MTFR1L: variants seen among roughly 807,000 people sequenced by gnomAD.
MTFR1L encodes mitochondrial fission regulator 1 like.
Under a neutral mutation model 27.9 loss-of-function variants are expected in MTFR1L, and 10 were observed. That is an observed-to-expected ratio of 0.36 (90% CI 0.22 to 0.61). MTFR1L has a LOEUF of 0.61. MTFR1L is among the 20% of genes least tolerant of loss of function. The probability of loss-of-function intolerance (pLI) is 0.73; values close to 1 mark genes in which losing one functional copy is unlikely to be tolerated. For synonymous variants in MTFR1L, 151 were observed against 139.4 expected (o/e 1.08, Z -0.58); for missense variants, 315 against 363.7 (o/e 0.87, Z 1.09).
rs754140277 is a variant in MTFR1L at position 25,823,766 on chromosome 1, G to C, written c.129+18G>C. On this transcript the variant is annotated intron_variant, in intron 3 of 6. Coordinates refer to ENST00000374303, the MANE Select transcript of MTFR1L (RefSeq NM_001099625.2). ...CCTTTGAGGTGAGTATGTTGGAAGG[G>C]CAGGAGAGTAGAGGCTCAGACAGTG... 1 of 1,612,664 alleles carries C rather than the reference G, an allele frequency of 6.2e-7. No homozygotes were observed. Among genetic ancestry groups the C allele is most frequent in the South Asian group, 1.1e-5 (1 of 90,916 alleles).
At chr1:25,823,847 C>G in intron 3 of MTFR1L, 99 bp downstream of exon 3, 1 of 1,383,296 alleles carries the variant, frequency 7.2e-7, no homozygotes, top group Non-Finnish European at 9.8e-7. Flanking sequence ...TTCCTGGTCA[C>G]TTTTCATTCT....
At chr1:25,820,524 C>G (rs765038172) in intron 1 of MTFR1L, 1 of 354,934 alleles carries the variant, frequency 2.8e-6, no homozygotes, top group South Asian at 2.1e-5. Context: ...TTTCACTGAG[C>G]GCGGCGGCCT....
intron 1 of MTFR1L, chr1:25,821,015 G>C (rs1418479205): frequency 3.5e-6 from 1 of 283,746 alleles, no homozygotes; most frequent in Non-Finnish European, 6.7e-6. Context: ...TGGGCCCAGT[G>C]TTGGGGGTTG....
In MTFR1L at chr1:25,832,067, T is replaced by C. The variant is rs774733846; in HGVS notation, c.*41T>C. The C allele has an allele frequency of 6.2e-7, 1 of 1,613,872 alleles. No homozygotes were observed. Among genetic ancestry groups the C allele is most frequent in the East Asian group, 2.2e-5 (1 of 44,878 alleles). Reference sequence around the variant, plus strand: ...CAAACTCAGTCTCATGCTCCTGGAATACCTTCAATAGCTGCCTTCCTCACC... The same window carrying C: ...CAAACTCAGTCTCATGCTCCTGGAACACCTTCAATAGCTGCCTTCCTCACC... On this transcript the variant is annotated 3_prime_UTR_variant, in exon 7 of 7. Coordinates refer to ENST00000374303, the MANE Select transcript of MTFR1L (RefSeq NM_001099625.2).
intron 6 of MTFR1L, 126 bp downstream of exon 6, chr1:25,829,956 G>GCTGA: frequency 1.0e-6 from 1 of 990,946 alleles, no homozygotes. Context: ...CATAAAGCTT[G>GCTGA]CTGACTACCT....
At position 25,829,868 on chromosome 1, in the gene MTFR1L, C is replaced by T. The variant is rs181549158; in HGVS notation, c.773+38C>T. On this transcript the variant is annotated intron_variant, in intron 6 of 6. Coordinates refer to ENST00000374303, the MANE Select transcript of MTFR1L (RefSeq NM_001099625.2). Reference sequence around the variant, plus strand: ...TGAGGAGCTCTGGTATCTATTTACTCAGAGTTGCCCATGGCCAATTATGTA... The same window carrying T: ...TGAGGAGCTCTGGTATCTATTTACTTAGAGTTGCCCATGGCCAATTATGTA... The T allele has an allele frequency of 3.3e-6, 5 of 1,528,350 alleles. No individual in the cohort carries two copies. In the East Asian group the frequency reaches 9.2e-5, roughly 28 times the overall value. The allele number at this position is 1,528,350 out of a possible 1,614,324, so 94.7% of individuals were successfully genotyped here.
chr1:25,820,108 C>T (rs1218748810), intron 1 of MTFR1L, 79 bp downstream of exon 1: 2 of 442,026 alleles, frequency 4.5e-6, no homozygotes, highest in Non-Finnish European at 9.0e-6. Flanking sequence ...ACGTGCCGGG[C>T]GCTGTGCGGA....
Position 25,831,982 on chromosome 1 carries a change from A to C in MTFR1L, c.835A>C (p.Lys279Gln). The C allele has an allele frequency of 6.2e-7, 1 of 1,614,158 alleles. No homozygotes were observed. Among genetic ancestry groups the C allele is most frequent in the Non-Finnish European group, 8.5e-7 (1 of 1,180,042 alleles). Reference protein sequence around the residue: ...AVLISEVLRRKFALKEEDISR... With the variant: ...AVLISEVLRRQFALKEEDISR... ...GCTTATCTCTGAGGTCCTAAGGAGG[A>C]AGTTTGCTCTAAAGGAAGAAGATAT... is the stretch of plus-strand genomic sequence containing the variant. Residue 279 changes from lysine (K) to glutamine (Q), a missense_variant, in exon 7 of 7, where the codon AAG becomes CAG. Coordinates refer to ENST00000374303, the MANE Select transcript of MTFR1L (RefSeq NM_001099625.2).
Position 25,832,845 on chromosome 1 carries a change from A to C in MTFR1L, c.*819A>C, listed in dbSNP as rs921155101. ...GTATGTACCACACCATGCATGACTCAGATGCCCTCAGGTCCCTTTCTCTAT... is the reference window on the plus strand; with the variant it reads ...GTATGTACCACACCATGCATGACTCCGATGCCCTCAGGTCCCTTTCTCTAT... On this transcript the variant is annotated 3_prime_UTR_variant, in exon 7 of 7. Coordinates refer to ENST00000374303, the MANE Select transcript of MTFR1L (RefSeq NM_001099625.2). 6.5e-6 allele frequency: 1 copy of C among 153,718 alleles called. No homozygotes were observed. Among genetic ancestry groups the C allele is most frequent in the African/African-American group, 2.4e-5 (1 of 41,410 alleles). 9.5% of individuals were successfully genotyped at this position (153,718 alleles called of 1,614,324 possible). A position where few individuals can be genotyped will look rare whatever the true frequency, so the allele number is the denominator to read the frequency against.
At chr1:25,820,051 C>G (rs903485666) in intron 1 of MTFR1L, 22 bp downstream of exon 1, 13 of 398,384 alleles carry the variant, frequency 3.3e-5, no homozygotes, top group African/African-American at 2.6e-4. Flanking sequence ...TCTAGGGAGG[C>G]GCGGAGGCGG....
intron 1 of MTFR1L, chr1:25,820,484 G>C (rs979355973): frequency 7.9e-5 from 29 of 368,904 alleles, no homozygotes; most frequent in Non-Finnish European, 1.4e-4. Context: ...GGTCCGCGCG[G>C]GTCTCCGGCC....
At chr1:25,831,853 A>T in intron 6 of MTFR1L, 68 bp from the exon 7 acceptor site, 1 of 1,231,212 alleles carries the variant, frequency 8.1e-7, no homozygotes, top group Admixed American at 1.7e-5. Flanking sequence ...CAACGAGATA[A>T]TGTATTCAAA....
At chr1:25,824,621 G>T (rs1403647216) in intron 3 of MTFR1L, among the ~76,000 whole-genome samples, 5 of 152,192 alleles carry the variant, frequency 3.3e-5, no homozygotes, top group African/African-American at 1.2e-4. Flanking sequence ...ATTAGAAGAG[G>T]TGTCAGGGTT....
In MTFR1L at chr1:25,832,249, G is replaced by A; in HGVS notation, c.*223G>A. The stretch of plus-strand genomic sequence containing the variant: ...GATTTGACCTGAGACATTTGTTTCA[G>A]GTAATCGTGTAGAATGAAGTATCTT... On this transcript the variant is annotated 3_prime_UTR_variant, in exon 7 of 7. Transcript: ENST00000374303. 7.5e-7 allele frequency: 1 copy of A among 1,338,796 alleles called. No individual in the cohort carries two copies. Among genetic ancestry groups the A allele is most frequent in the Non-Finnish European group, 1.0e-6 (1 of 972,338 alleles). 82.9% of individuals were successfully genotyped at this position (1,338,796 alleles called of 1,614,324 possible). A position where few individuals can be genotyped will look rare whatever the true frequency, so the allele number is the denominator to read the frequency against.
Position 25,826,325 on chromosome 1 carries a change from G to A in MTFR1L, c.153G>A (p.Leu51=), listed in dbSNP as rs369504638. 7.4e-6 allele frequency: 12 copies of A among 1,614,146 alleles called. No homozygotes were observed. In the African/African-American group the frequency reaches 1.3e-4, roughly 18 times the overall value. The part of the protein sequence containing the change: ...SFETLPNISD[L]CLRDVPPVPT... ...AGACCCTGCCCAACATCTCTGACCTGTGTTTGAGAGATGTGCCCCCAGTCC... is the reference window on the plus strand; with the variant it reads ...AGACCCTGCCCAACATCTCTGACCTATGTTTGAGAGATGTGCCCCCAGTCC... The change falls in exon 4 of 7, where the codon CTG becomes CTA. Residue 51 remains leucine (L), a synonymous_variant. Transcript: ENST00000374303. This position sits in a 1 kb window ranked among gnomAD's most constrained non-coding sequence, Gnocchi z 4.1.
chr1:25,828,718 G>C (rs999799594), intron 5 of MTFR1L, among the ~76,000 whole-genome samples: 1 of 152,106 alleles, frequency 6.6e-6, no homozygotes, highest in Admixed American at 6.5e-5. Flanking sequence ...TCGCTCCCAA[G>C]ATGCTCAGGG....
At chr1:25,831,431 C>G (rs964999748) in intron 6 of MTFR1L, among the ~76,000 whole-genome samples, 1 of 152,070 alleles carries the variant, frequency 6.6e-6, no homozygotes, top group East Asian at 1.9e-4. Context: ...AATCATCTCC[C>G]CTGAAGGGGA....
At chr1:25,829,379 C>A in intron 5 of MTFR1L, 130 bp from the exon 6 acceptor site, 1 of 824,764 alleles carries the variant, frequency 1.2e-6, no homozygotes, top group African/African-American at 1.7e-5. Context: ...CAGATACCAT[C>A]CTGGCTCTCC....
At chr1:25,823,775 T>G in intron 3 of MTFR1L, 27 bp downstream of exon 3, 1 of 1,611,268 alleles carries the variant, frequency 6.2e-7, no homozygotes, top group South Asian at 1.1e-5. Flanking sequence ...GGCAGGAGAG[T>G]AGAGGCTCAG....
Sources: allele counts gnomAD v4.1 joint callset (sites outside exome capture counted in the v4.1 genomes callset), GRCh38; gene constraint gnomAD v4.1.1; non-coding constraint Gnocchi (gnomAD v3.1); transcripts MANE v1.5; gene names NCBI Gene and HGNC (gene_info 2026-07-23, HGNC 2026-07-21).